ATP2A1: variants seen among roughly 807,000 people sequenced by gnomAD.
The protein encoded by ATP2A1 is ATPase sarcoplasmic/endoplasmic reticulum Ca2+ transporting 1, also known as sarcoplasmic/endoplasmic reticulum calcium ATPase 1.
A neutral mutation model predicts 109.5 loss-of-function variants in ATP2A1; 83 were observed. That is an observed-to-expected ratio of 0.76 (90% CI 0.63 to 0.91). The LOEUF (loss-of-function observed/expected upper bound fraction) is 0.91. Ranked by LOEUF, ATP2A1 falls within the 40% of genes least tolerant of loss-of-function variation. ATP2A1 has a pLI of 0.00. For synonymous variants in ATP2A1, 505 were observed against 537.6 expected (o/e 0.94, Z 0.84); for missense variants, 1,101 against 1,341.0 (o/e 0.82, Z 2.80).
chr16:28,898,991 A>G lies in ATP2A1; in HGVS notation c.1764+540A>G, dbSNP rs542775343. Among the ~76,000 whole-genome samples, 3 of 151,776 alleles carry G rather than the reference A, an allele frequency of 2.0e-5. 1 individual carries two copies. The highest frequency in any genetic ancestry group is 2.9e-5 in the Non-Finnish European group (2 of 67,960). ...AGCAAGGCCCTGTCTCTAAAAACAA[A>G]AAACAAAAACACACACACACACACA... On this transcript the variant is annotated intron_variant, in intron 14 of 22. Coordinates refer to ENST00000395503, the MANE Select transcript of ATP2A1 (RefSeq NM_004320.6). This position sits in a 1 kb window ranked among gnomAD's most constrained non-coding sequence, Gnocchi z 4.0.
In ATP2A1 at chr16:28,900,816, G is replaced by A. The variant is rs141250244; in HGVS notation, c.2000G>A (p.Arg667Gln). 319 of 1,614,098 alleles carry A rather than the reference G, an allele frequency of 2.0e-4. 1 individual carries two copies. The highest frequency in any genetic ancestry group is 2.4e-4 in the Non-Finnish European group (287 of 1,180,058). Residue 667 changes from arginine to glutamine, a missense_variant, in exon 15 of 23, where the codon CGG (arginine) becomes CAG (glutamine). Arg to Gln is a conservative substitution (Grantham distance 43). Coordinates refer to ENST00000395503, the MANE Select transcript of ATP2A1 (RefSeq NM_004320.6). The part of the protein sequence containing the change: ...EFDDLPLAEQ[R>Q]EACRRACCFA... Reference sequence around the variant, plus strand: ...GACGACCTGCCCCTGGCTGAACAGCGGGAAGCCTGCCGACGTGCCTGCTGC... The same window carrying A: ...GACGACCTGCCCCTGGCTGAACAGCAGGAAGCCTGCCGACGTGCCTGCTGC...
chr16:28,902,323 C>T lies in ATP2A1; in HGVS notation c.2461C>T (p.Pro821Ser). 1 of 1,614,158 alleles carries T rather than the reference C, an allele frequency of 6.2e-7. No homozygotes were observed. Among genetic ancestry groups the T allele is most frequent in the Non-Finnish European group, 8.5e-7 (1 of 1,179,998 alleles). The change falls in exon 17 of 23, where the codon CCC becomes TCC. Residue 821 changes from proline to serine, a missense_variant. By Grantham distance (74) the Pro-to-Ser change is moderately conservative. Coordinates refer to ENST00000395503, the MANE Select transcript of ATP2A1 (RefSeq NM_004320.6). The surrounding 1 kb of genome is among the most constrained non-coding windows in gnomAD (Gnocchi z 4.8). ...AGACCTGGACATCATGGACCGCCCC[C>T]CCCGGAGCCCCAAGGAGCCCCTCAT... ...PPDLDIMDRP[P>S]RSPKEPLISG... is the part of the protein sequence containing the mutation.
intron 9 of ATP2A1, among the ~76,000 whole-genome samples, chr16:28,892,018 C>T (rs1963786514): frequency 6.6e-6 from 1 of 152,120 alleles, no homozygotes; most frequent in South Asian, 2.1e-4. Flanking sequence ...AATTTGGCAA[C>T]ACACATGCTT....
rs751166692 is a variant in ATP2A1, at chr16:28,888,829, G to T, written c.971G>T (p.Arg324Leu). Residue 324 changes from arginine (R) to leucine (L), a missense_variant, in exon 9 of 23, where the codon CGT (arginine) becomes CTT (leucine). Coordinates refer to ENST00000395503, the MANE Select transcript of ATP2A1 (RefSeq NM_004320.6). ...ACCACCTGCCTGGCCCTGGGTACCCGTCGGATGGCAAAGAAGAATGCCATT... is the reference window on the plus strand; with the variant it reads ...ACCACCTGCCTGGCCCTGGGTACCCTTCGGATGGCAAAGAAGAATGCCATT... ...VITTCLALGT[R>L]RMAKKNAIVR... The T allele has an allele frequency of 6.9e-7, 1 of 1,440,188 alleles. No homozygotes were observed. 89.2% of individuals were successfully genotyped at this position (1,440,188 alleles called of 1,614,324 possible). A position where few individuals can be genotyped will look rare whatever the true frequency, so the allele number is the denominator to read the frequency against.
At chr16:28,894,394 C>A in intron 10 of ATP2A1, 111 bp from the exon 11 acceptor site, 1 of 1,306,466 alleles carries the variant, frequency 7.7e-7, no homozygotes. Flanking sequence ...TTGGCTCTCC[C>A]CACTGTCCTT....
chr16:28,903,634 G>T lies in ATP2A1; in HGVS notation c.2981-66G>T. 1.5e-6 allele frequency: 2 copies of T among 1,330,250 alleles called. No individual in the cohort carries two copies. Among genetic ancestry groups the T allele is most frequent in the Non-Finnish European group, 2.2e-6 (2 of 921,662 alleles). The allele number at this position is 1,330,250 out of a possible 1,614,324, so 82.4% of individuals were successfully genotyped here. On this transcript the variant is annotated intron_variant, in intron 21 of 22. Coordinates refer to ENST00000395503, the MANE Select transcript of ATP2A1 (RefSeq NM_004320.6). This position sits in a 1 kb window ranked among gnomAD's most constrained non-coding sequence, Gnocchi z 5.6. ...CCCCACTGCCTCCTCAGCCCCCACA[G>T]CCCCTATAGCCCCCATGCCACCTCC...
chr16:28,887,534 C>A lies in ATP2A1; in HGVS notation c.740C>A (p.Thr247Asn), dbSNP rs1963647669. The change falls in exon 8 of 23, where the codon ACC becomes AAC. Residue 247 changes from threonine to asparagine, a missense_variant. Transcript: ENST00000395503. ...ATGGCTGCCACAGAACAGGACAAGA[C>A]CCCCTTGCAGCAGAAGCTGGATGAG... ...DQMAATEQDKTPLQQKLDEFG... is the reference protein window; with the variant it reads ...DQMAATEQDKNPLQQKLDEFG... 6.2e-7 allele frequency: 1 copy of A among 1,613,808 alleles called. No individual in the cohort carries two copies.
rs1470968877 is a variant in ATP2A1, at chr16:28,899,655, C to A, written c.1765-926C>A. 3.4e-5 allele frequency among the ~76,000 whole-genome samples: 4 copies of A among 116,562 alleles called. 1 individual carries two copies. Among genetic ancestry groups the A allele is most frequent in the Admixed American group, 8.5e-5 (1 of 11,724 alleles). The allele number at this position is 116,562 out of a possible 152,430, so 76.5% of individuals were successfully genotyped here. On this transcript the variant is annotated intron_variant, in intron 14 of 22. Coordinates refer to ENST00000395503, the MANE Select transcript of ATP2A1 (RefSeq NM_004320.6). Reference sequence around the variant, plus strand: ...CTCCATCCCCTGCGCCCGCCCCCCCCCCCCCGAAAAAGACACAATTTGGGG... The same window carrying A: ...CTCCATCCCCTGCGCCCGCCCCCCCACCCCCGAAAAAGACACAATTTGGGG...
Position 28,898,528 on chromosome 16 carries a change from A to ACC in ATP2A1, c.1764+79_1764+80dup. The ACC allele has an allele frequency of 6.8e-7, 1 of 1,474,518 alleles. No individual in the cohort carries two copies. The highest frequency in any genetic ancestry group is 9.3e-7 in the Non-Finnish European group (1 of 1,077,132). 91.3% of individuals were successfully genotyped at this position (1,474,518 alleles called of 1,614,324 possible). A position where few individuals can be genotyped will look rare whatever the true frequency, so the allele number is the denominator to read the frequency against. Reference sequence around the variant, plus strand: ...CCAGCCATCCACTCACAGCTCCACCACCCGGATCATTTCCTACCTCGTCAG... The same window carrying ACC: ...CCAGCCATCCACTCACAGCTCCACCACCCCCGGATCATTTCCTACCTCGTCAG... On this transcript the variant is annotated intron_variant, in intron 14 of 22. Coordinates refer to ENST00000395503, the MANE Select transcript of ATP2A1 (RefSeq NM_004320.6). This position sits in a 1 kb window ranked among gnomAD's most constrained non-coding sequence, Gnocchi z 4.0.
At chr16:28,893,986 C>A (rs2152209003) in intron 9 of ATP2A1, among the ~76,000 whole-genome samples, 169 bp from the exon 10 acceptor site, 1 of 152,064 alleles carries the variant, frequency 6.6e-6, no homozygotes, top group African/African-American at 2.4e-5. Flanking sequence ...AGAATGATTG[C>A]AACAGCTTGG....
In ATP2A1 at chr16:28,903,751, C is replaced by T. The variant is rs780647564; in HGVS notation, c.*37+10C>T. 3 of 1,612,944 alleles carry T rather than the reference C, an allele frequency of 1.9e-6. No homozygotes were observed. Among genetic ancestry groups the T allele is most frequent in the Non-Finnish European group, 2.5e-6 (3 of 1,178,966 alleles). ...TGAGCCCGTGTCACAGGTATCACCCCCTTCTTGCCCTCAGCCCAGCTGCTG... is the reference window on the plus strand; with the variant it reads ...TGAGCCCGTGTCACAGGTATCACCCTCTTCTTGCCCTCAGCCCAGCTGCTG... On this transcript the variant is annotated intron_variant, in intron 22 of 22. Transcript: ENST00000395503. This position sits in a 1 kb window ranked among gnomAD's most constrained non-coding sequence, Gnocchi z 5.6.
At position 28,880,814 on chromosome 16, in the gene ATP2A1, G is replaced by A. The variant is rs1010382693; in HGVS notation, c.220-101G>A. ...GTGCCCGGCCCTCCTGCTGGCTCCTGCACTCTCCTGCACAGTTCTCCCCTT... is the reference window on the plus strand; with the variant it reads ...GTGCCCGGCCCTCCTGCTGGCTCCTACACTCTCCTGCACAGTTCTCCCCTT... On this transcript the variant is annotated intron_variant, in intron 3 of 22. Coordinates refer to ENST00000395503, the MANE Select transcript of ATP2A1 (RefSeq NM_004320.6). The surrounding 1 kb of genome is among the most constrained non-coding windows in gnomAD (Gnocchi z 4.2). 6 of 1,183,616 alleles carry A rather than the reference G, an allele frequency of 5.1e-6. No individual in the cohort carries two copies. Among genetic ancestry groups the A allele is most frequent in the Non-Finnish European group, 7.6e-6 (6 of 793,250 alleles). The allele number at this position is 1,183,616 out of a possible 1,614,324, so 73.3% of individuals were successfully genotyped here.
intron 15 of ATP2A1, 111 bp downstream of exon 15, chr16:28,901,027 TG>T (rs1438388438): frequency 1.4e-6 from 2 of 1,405,616 alleles, no homozygotes; most frequent in Non-Finnish European, 2.0e-6. Flanking sequence ...GCAAGAAGGG[TG>T]GGGATTCAGA....
Position 28,894,926 on chromosome 16 carries a change from G to C in ATP2A1, c.1392G>C (p.Lys464Asn). ...VFNTDVRSLS[K>N]VERANACNSV... Reference sequence around the variant, plus strand: ...ACACGGATGTGAGAAGCCTCTCGAAGGTGGAGAGAGCCAACGCCTGCAACT... The same window carrying C: ...ACACGGATGTGAGAAGCCTCTCGAACGTGGAGAGAGCCAACGCCTGCAACT... Residue 464 changes from lysine (K) to asparagine (N), a missense_variant, in exon 12 of 23, where the codon AAG becomes AAC. Physicochemically the swap from Lys to Asn is moderately conservative, Grantham distance 94. Transcript: ENST00000395503. 6.2e-7 allele frequency: 1 copy of C among 1,612,482 alleles called. No homozygotes were observed. Among genetic ancestry groups the C allele is most frequent in the Non-Finnish European group, 8.5e-7 (1 of 1,180,028 alleles).
chr16:28,903,095 T>C lies in ATP2A1; in HGVS notation c.2810T>C (p.Ile937Thr). Residue 937 changes from isoleucine (I) to threonine (T), a missense_variant, in exon 20 of 23, where the codon ATC becomes ACC. Ile to Thr is a moderately conservative substitution (Grantham distance 89). Transcript: ENST00000395503. The surrounding 1 kb of genome is among the most constrained non-coding windows in gnomAD (Gnocchi z 5.6). ...GTGAACATCTGGCTGCTGGGCTCCATCTGCCTCTCCATGTCCCTGCACTTC... is the reference window on the plus strand; with the variant it reads ...GTGAACATCTGGCTGCTGGGCTCCACCTGCCTCTCCATGTCCCTGCACTTC... The part of the protein sequence containing the change: ...PWVNIWLLGS[I>T]CLSMSLHFLI... 1 of 1,613,832 alleles carries C rather than the reference T, an allele frequency of 6.2e-7. No homozygotes were observed. Among genetic ancestry groups the C allele is most frequent in the Non-Finnish European group, 8.5e-7 (1 of 1,180,008 alleles).
intron 10 of ATP2A1, 54 bp from the exon 11 acceptor site, chr16:28,894,451 T>G: frequency 6.5e-7 from 1 of 1,547,182 alleles, no homozygotes; most frequent in Non-Finnish European, 8.8e-7. Context: ...CTGCATCTCA[T>G]TCCCTGTTCT....
chr16:28,882,335 A>T (rs1053646910), intron 4 of ATP2A1, 116 bp from the exon 5 acceptor site: 1 of 1,496,246 alleles, frequency 6.7e-7, no homozygotes, highest in Non-Finnish European at 9.2e-7. Flanking sequence ...CAGTTTCCTC[A>T]ACATACACAC....
chr16:28,900,547 A>C (rs373791549), intron 14 of ATP2A1, 34 bp from the exon 15 acceptor site: 4 of 1,365,720 alleles, frequency 2.9e-6, no homozygotes, highest in Non-Finnish European at 9.6e-7. Flanking sequence ...CCAGATCCCC[A>C]CCTGACCTGT....
intron 7 of ATP2A1, 73 bp downstream of exon 7, chr16:28,887,347 T>C: frequency 6.2e-7 from 1 of 1,612,256 alleles, no homozygotes; most frequent in Non-Finnish European, 8.5e-7. Flanking sequence ...ACATGGCGTG[T>C]GAGAAGAGAT....
Sources: allele counts gnomAD v4.1 joint callset (sites outside exome capture counted in the v4.1 genomes callset), GRCh38; gene constraint gnomAD v4.1.1; non-coding constraint Gnocchi (gnomAD v3.1); transcripts MANE v1.5; gene names NCBI Gene and HGNC (gene_info 2026-07-23, HGNC 2026-07-21).